PHACTR1: variants seen among roughly 807,000 people sequenced by gnomAD.
PHACTR1 encodes RPEL repeat containing 1.
Under a neutral mutation model 69.2 loss-of-function variants are expected in PHACTR1, and 16 were observed. The observed-to-expected ratio is 0.23, with a 90% CI of 0.16 to 0.35. The LOEUF is 0.35. Among genes scored for constraint, PHACTR1 ranks in the 10% least tolerant of loss-of-function variants. The pLI, the probability that PHACTR1 is intolerant of heterozygous loss-of-function variation, is 1.00. For synonymous variants in PHACTR1, 312 were observed against 284.5 expected (o/e 1.10, Z -0.97); for missense variants, 510 against 734.7 (o/e 0.69, Z 3.54).
At chr6:13,054,184 T>A (rs1436691124) in intron 5 of PHACTR1, among the ~76,000 whole-genome samples, 1 of 152,256 alleles carries the variant, frequency 6.6e-6, no homozygotes. Context: ...TTATTAATGC[T>A]GTGCCTCAGC....
At chr6:13,199,751 A>G (rs1159292276) in intron 7 of PHACTR1, among the ~76,000 whole-genome samples, 4 of 152,182 alleles carry the variant, frequency 2.6e-5, no homozygotes, top group Non-Finnish European at 5.9e-5. Flanking sequence ...TAGAAATAGA[A>G]TAAAAGATTT....
chr6:12,984,934 G>T (rs1795957518), intron 4 of PHACTR1, among the ~76,000 whole-genome samples: 1 of 152,164 alleles, frequency 6.6e-6, no homozygotes, highest in South Asian at 2.1e-4. Flanking sequence ...AAGACCAAAT[G>T]ACTAAAATAG....
At chr6:13,170,241 C>A (rs1321118989) in intron 6 of PHACTR1, among the ~76,000 whole-genome samples, 1 of 152,174 alleles carries the variant, frequency 6.6e-6, no homozygotes, top group African/African-American at 2.4e-5. Flanking sequence ...GCGCAGATAA[C>A]CATCAGATAT....
In PHACTR1 at chr6:12,873,622, G is replaced by A. The variant is rs113111421; in HGVS notation, c.250+123832G>A. 5.0e-3 allele frequency among the ~76,000 whole-genome samples: 767 copies of A among 152,286 alleles called. 6 individuals are homozygous for A. Among genetic ancestry groups the A allele is most frequent in the African/African-American group, 0.018 (734 of 41,550 alleles). On this transcript the variant is annotated intron_variant, in intron 4 of 14. Coordinates refer to ENST00000332995, the MANE Select transcript of PHACTR1 (RefSeq NM_030948.6). ...CACAAAAAAGGAGCAATCAATTCTG[G>A]GGAAACCCAGAAGAGAAAGCCTAGA...
At position 12,970,473 on chromosome 6, in the gene PHACTR1, C is replaced by G. The variant is rs149662362; in HGVS notation, c.251-82892C>G. On this transcript the variant is annotated intron_variant, in intron 4 of 14. Coordinates refer to ENST00000332995, the MANE Select transcript of PHACTR1 (RefSeq NM_030948.6). ...ATTTTAGAATTTAAATCTAATCCAC[C>G]AAAAAGCCATTCTTGGCCCGGCGTA... Among the ~76,000 whole-genome samples, 1,074 of 152,180 alleles carry G rather than the reference C, an allele frequency of 7.1e-3. 15 individuals are homozygous for G. The highest frequency in any genetic ancestry group is 0.024 in the African/African-American group (1,017 of 41,518).
intron 4 of PHACTR1, among the ~76,000 whole-genome samples, chr6:12,885,202 C>T (rs1351546852): frequency 6.6e-6 from 1 of 152,194 alleles, no homozygotes; most frequent in Non-Finnish European, 1.5e-5. Context: ...TGCGTCGGAC[C>T]TAGACCGCCC....
intron 5 of PHACTR1, among the ~76,000 whole-genome samples, chr6:13,073,666 A>G (rs1809917988): frequency 6.6e-6 from 1 of 151,882 alleles, no homozygotes; most frequent in Non-Finnish European, 1.5e-5. Context: ...TTATTGACAA[A>G]GAGATCTGGG....
At chr6:13,135,215 T>C (rs1262259352) in intron 5 of PHACTR1, among the ~76,000 whole-genome samples, 1 of 152,202 alleles carries the variant, frequency 6.6e-6, no homozygotes, top group Non-Finnish European at 1.5e-5. Context: ...AACCCCTGCC[T>C]GCCTCCTAAC....
chr6:13,238,498 C>T (rs1772344405), intron 10 of PHACTR1, among the ~76,000 whole-genome samples: 1 of 152,148 alleles, frequency 6.6e-6, no homozygotes, highest in Admixed American at 6.5e-5. Context: ...GTAGTCTACA[C>T]CATTGTTGCT....
At chr6:13,024,212 C>T (rs894335902) in intron 4 of PHACTR1, among the ~76,000 whole-genome samples, 10 of 152,148 alleles carry the variant, frequency 6.6e-5, no homozygotes, top group African/African-American at 2.4e-4. Flanking sequence ...CCAGTATGTC[C>T]TCGCACAACT....
At chr6:12,769,255 G>A (rs1572000) in intron 4 of PHACTR1, among the ~76,000 whole-genome samples, 62,027 of 152,102 alleles carry the variant, frequency 0.41, 13,159 homozygotes, top group Middle Eastern at 0.47. Flanking sequence ...AAAGTGGTGG[G>A]TACGGTAGTT....
At chr6:12,798,331 A>G (rs2127673033) in intron 4 of PHACTR1, among the ~76,000 whole-genome samples, 1 of 152,312 alleles carries the variant, frequency 6.6e-6, no homozygotes, top group Middle Eastern at 3.4e-3. Flanking sequence ...TGGCAGTGAT[A>G]GAATAGTGTA....
At chr6:13,217,387 A>C (rs1205717759) in intron 8 of PHACTR1, among the ~76,000 whole-genome samples, 1 of 152,240 alleles carries the variant, frequency 6.6e-6, no homozygotes, top group Non-Finnish European at 1.5e-5. Flanking sequence ...TCAGCCAAGC[A>C]TGCTAGAACA....
chr6:12,941,407 C>T (rs1002240355), intron 4 of PHACTR1, among the ~76,000 whole-genome samples: 3 of 152,102 alleles, frequency 2.0e-5, no homozygotes, highest in Admixed American at 1.3e-4. Flanking sequence ...AAGGGTCTTT[C>T]TTACAAGTCA....
intron 5 of PHACTR1, among the ~76,000 whole-genome samples, chr6:13,061,986 G>C (rs186502649): frequency 9.8e-5 from 15 of 152,302 alleles, no homozygotes; most frequent in Admixed American, 1.3e-4. Context: ...AGCAGCTTCA[G>C]ATACAAATAA....
At chr6:12,743,902 G>T (rs1255663933) in intron 3 of PHACTR1, among the ~76,000 whole-genome samples, 1 of 152,078 alleles carries the variant, frequency 6.6e-6, no homozygotes, top group African/African-American at 2.4e-5. Flanking sequence ...CCACATAGTT[G>T]GAAGTAAAGC....
At chr6:12,957,475 C>CAATGTCAAGTA (rs1792036718) in intron 4 of PHACTR1, 1 of 985,296 alleles carries the variant, frequency 1.0e-6, no homozygotes, top group Admixed American at 6.1e-5. Context: ...CGGTTGCCTC[C>CAATGTCAAGTA]AATGTCAAGT....
At chr6:13,059,458 T>TCTCACACACACACACA (rs1491194342) in intron 5 of PHACTR1, among the ~76,000 whole-genome samples, 1 of 148,142 alleles carries the variant, frequency 6.8e-6, no homozygotes, top group African/African-American at 2.5e-5. Context: ...AATGTTCTTA[T>TCTCACACACACACACA]CACACACACA....
chr6:12,810,574 C>T (rs1447347156), intron 4 of PHACTR1, among the ~76,000 whole-genome samples: 1 of 152,166 alleles, frequency 6.6e-6, no homozygotes, highest in Non-Finnish European at 1.5e-5. Flanking sequence ...TGGGAGGTCT[C>T]AGCAGCTGCA....
Sources: allele counts gnomAD v4.1 joint callset (sites outside exome capture counted in the v4.1 genomes callset), GRCh38; gene constraint gnomAD v4.1.1; transcripts MANE v1.5; gene names NCBI Gene and HGNC (gene_info 2026-07-23, HGNC 2026-07-21).